TLN1: variants seen among roughly 807,000 people sequenced by gnomAD.
TLN1 encodes the protein talin 1.
TLN1 carries 56 observed loss-of-function variants against 292.3 expected under a neutral mutation model. That is an observed-to-expected ratio of 0.19 (90% CI 0.15 to 0.24). The LOEUF (loss-of-function observed/expected upper bound fraction) is 0.24. Ranked by LOEUF, TLN1 falls within the 10% of genes least tolerant of loss-of-function variation. The probability of loss-of-function intolerance (pLI) is 1.00; values close to 1 mark genes in which losing one functional copy is unlikely to be tolerated. For missense variants in TLN1, 2,433 were observed against 3,248.2 expected (o/e 0.75, Z 6.10); for synonymous variants, 1,119 against 1,253.7 (o/e 0.89, Z 2.27).
chr9:35,698,633 T>C lies in TLN1; in HGVS notation c.7172A>G (p.Gln2391Arg). The C allele has an allele frequency of 1.9e-6, 3 of 1,614,172 alleles. No individual in the cohort carries two copies. The highest frequency in any genetic ancestry group is 2.5e-6 in the Non-Finnish European group (3 of 1,180,036). Residue 2391 changes from glutamine (Q) to arginine (R), a missense_variant, in exon 54 of 57, where the codon CAG becomes CGG. By Grantham distance (43) the Gln-to-Arg change is conservative. Coordinates refer to ENST00000314888, the MANE Select transcript of TLN1 (RefSeq NM_006289.4). The surrounding 1 kb of genome is among the most constrained non-coding windows in gnomAD (Gnocchi z 5.3). ...CACACTTACAGCAGAAATGAGGCCC[T>C]GGGACCACTGCCCATCGTCCAGTGC... ...ANALDDGQWS[Q>R]GLISAARMVA...
At chr9:35,721,339 A>C (rs1331158180) in intron 10 of TLN1, among the ~76,000 whole-genome samples, 2 of 152,222 alleles carry the variant, frequency 1.3e-5, no homozygotes, top group South Asian at 2.1e-4. Flanking sequence ...TAAAGTCAAA[A>C]ATTCACTGTA....
At chr9:35,708,619 G>T in intron 33 of TLN1, 135 bp from the exon 34 acceptor site, 1 of 818,280 alleles carries the variant, frequency 1.2e-6, no homozygotes, top group Non-Finnish European at 1.7e-6. Flanking sequence ...CATGAGTGGA[G>T]ATACATTAGC....
chr9:35,722,874 C>T lies in TLN1; in HGVS notation c.830G>A (p.Arg277His), dbSNP rs757515254. The T allele has an allele frequency of 4.3e-6, 7 of 1,613,926 alleles. No individual in the cohort carries two copies. The highest frequency in any genetic ancestry group is 1.7e-5 in the Admixed American group (1 of 60,024). ...ACCCACATTCACCTGGAAGATCTTA[C>T]GCTCTCCCTTCTGCTTCACATACTC... ...PKEYVKQKGE[R>H]KIFQAHKNCG... is the part of the protein sequence containing the mutation. The change falls in exon 8 of 57, where the codon CGT becomes CAT. Residue 277 changes from arginine to histidine, a missense_variant. By Grantham distance (29) the Arg-to-His change is conservative. Coordinates refer to ENST00000314888, the MANE Select transcript of TLN1 (RefSeq NM_006289.4).
In TLN1 at chr9:35,724,234, C is replaced by T. The variant is rs1825927841; in HGVS notation, c.612G>A (p.Val204=). 3.1e-6 allele frequency: 5 copies of T among 1,614,144 alleles called. No homozygotes were observed. The highest frequency in any genetic ancestry group is 1.3e-5 in the African/African-American group (1 of 75,012). Residue 204 remains valine, a synonymous_variant, in exon 6 of 57, where the codon GTG becomes GTA. Coordinates refer to ENST00000314888, the MANE Select transcript of TLN1 (RefSeq NM_006289.4). This position sits in a 1 kb window ranked among gnomAD's most constrained non-coding sequence, Gnocchi z 4.7. ...TCAGCTGTACAGGGTCCCGGGAATC[C>T]ACATTCTGGTCTGAGTAAAAGAACT... ...RRKFFYSDQN[V]DSRDPVQLNL... is the part of the protein sequence containing the mutation.
In TLN1 at chr9:35,720,092, C is replaced by G; in HGVS notation, c.1411G>C (p.Ala471Pro). Residue 471 changes from alanine (A) to proline (P), a missense_variant, in exon 13 of 57, where the codon GCC becomes CCC. Ala to Pro is a conservative substitution (Grantham distance 27, BLOSUM62 -1). Transcript: ENST00000314888. ...TGGCCGCTGGTAATCTGCTGCTGGG[C>G]AGGGGGCATGCTGCCCACCTGGAAA... is the stretch of plus-strand genomic sequence containing the variant. The part of the protein sequence containing the change: ...ENFQVGSMPP[A>P]QQQITSGQMH... 1.2e-6 allele frequency: 2 copies of G among 1,609,062 alleles called. No individual in the cohort carries two copies. The highest frequency in any genetic ancestry group is 1.7e-6 in the Non-Finnish European group (2 of 1,177,768).
rs767746648 is a variant in TLN1 at position 35,710,692 on chromosome 9, C to G, written c.4204-9G>C. The G allele has an allele frequency of 3.1e-6, 5 of 1,614,092 alleles. No individual in the cohort carries two copies. The highest frequency in any genetic ancestry group is 4.2e-6 in the Non-Finnish European group (5 of 1,179,960). On this transcript the variant is annotated splice_polypyrimidine_tract_variant and intron_variant, in intron 32 of 56. Coordinates refer to ENST00000314888, the MANE Select transcript of TLN1 (RefSeq NM_006289.4). ...ATGGCCTCGCCCAGCACCTGAGGAACAGAGGACATCAGGGGAGTCAGAGCA... is the reference window on the plus strand; with the variant it reads ...ATGGCCTCGCCCAGCACCTGAGGAAGAGAGGACATCAGGGGAGTCAGAGCA...
In TLN1 at chr9:35,710,594, C is replaced by A. The variant is rs757778441; in HGVS notation, c.4293G>T (p.Lys1431Asn). ...EFGDAISTASKALCGFTEAAA... is the reference protein window; with the variant it reads ...EFGDAISTASNALCGFTEAAA... Reference sequence around the variant, plus strand: ...CTGCCTCGGTGAAGCCACAAAGTGCCTTTGAGGCTGTGGAAATGGCATCTC... The same window carrying A: ...CTGCCTCGGTGAAGCCACAAAGTGCATTTGAGGCTGTGGAAATGGCATCTC... Residue 1431 changes from lysine (K) to asparagine (N), a missense_variant, in exon 33 of 57, where the codon AAG (lysine) becomes AAT (asparagine). Coordinates refer to ENST00000314888, the MANE Select transcript of TLN1 (RefSeq NM_006289.4). The A allele has an allele frequency of 3.1e-6, 5 of 1,613,910 alleles. No individual in the cohort carries two copies. In the Admixed American group the frequency reaches 8.3e-5, roughly 27 times the overall value.
At position 35,710,600 on chromosome 9, in the gene TLN1, G is replaced by A; in HGVS notation, c.4287C>T (p.Ala1429=). The change falls in exon 33 of 57, where the codon GCC becomes GCT. Residue 1429 remains alanine, a synonymous_variant. Coordinates refer to ENST00000314888, the MANE Select transcript of TLN1 (RefSeq NM_006289.4). ...LPEFGDAIST[A]SKALCGFTEA... ...CGGTGAAGCCACAAAGTGCCTTTGAGGCTGTGGAAATGGCATCTCCAAACT... is the reference window on the plus strand; with the variant it reads ...CGGTGAAGCCACAAAGTGCCTTTGAAGCTGTGGAAATGGCATCTCCAAACT... 5 of 1,614,066 alleles carry A rather than the reference G, an allele frequency of 3.1e-6. No homozygotes were observed. Among genetic ancestry groups the A allele is most frequent in the Non-Finnish European group, 4.2e-6 (5 of 1,180,048 alleles).
chr9:35,709,886 CAAAAAAAAAAAA>C (rs546437173), intron 33 of TLN1, among the ~76,000 whole-genome samples: 1 of 12,848 alleles, frequency 7.8e-5, no homozygotes, highest in Non-Finnish European at 1.5e-4. Flanking sequence ...AACTCGGTCT[CAAAAAAAAAAAA>C]AAAAAAAAAA....
In TLN1 at chr9:35,717,454, G is replaced by C; in HGVS notation, c.2164-14C>G. On this transcript the variant is annotated splice_polypyrimidine_tract_variant and intron_variant, in intron 18 of 56. Coordinates refer to ENST00000314888, the MANE Select transcript of TLN1 (RefSeq NM_006289.4). This position sits in a 1 kb window ranked among gnomAD's most constrained non-coding sequence, Gnocchi z 4.7. ...AGGTGCCACCACCTGTAGGTAAAGT[G>C]AATGTCAGAGACGTAGGCAAGGGAA... 4 of 1,607,176 alleles carry C rather than the reference G, an allele frequency of 2.5e-6. No homozygotes were observed. In the South Asian group the frequency reaches 4.4e-5, roughly 18 times the overall value.
intron 10 of TLN1, 111 bp downstream of exon 10, chr9:35,721,537 T>A (rs896897741): frequency 1.6e-6 from 2 of 1,248,854 alleles, no homozygotes; most frequent in Admixed American, 2.7e-5. Flanking sequence ...AACCTCCTTT[T>A]TTTCTGGAGT....
chr9:35,710,489 G>C (rs1221969764), intron 33 of TLN1, 72 bp downstream of exon 33: 1 of 1,560,880 alleles, frequency 6.4e-7, no homozygotes, highest in Admixed American at 1.8e-5. Flanking sequence ...TTATCTACAG[G>C]TATGTCAGGC....
chr9:35,725,942 T>C (rs1417456260), intron 1 of TLN1, among the ~76,000 whole-genome samples: 3 of 152,174 alleles, frequency 2.0e-5, no homozygotes, highest in Non-Finnish European at 2.9e-5. Flanking sequence ...AGACAGAGTT[T>C]CGTTCTGTTG....
Position 35,717,024 on chromosome 9 carries a change from G to C in TLN1, c.2458+122C>G, listed in dbSNP as rs1043528641. The C allele has an allele frequency of 2.6e-5, 29 of 1,123,734 alleles. No homozygotes were observed. The highest frequency in any genetic ancestry group is 3.5e-5 in the Non-Finnish European group (28 of 799,244). The allele number at this position is 1,123,734 out of a possible 1,614,324, so 69.6% of individuals were successfully genotyped here. A position where few individuals can be genotyped will look rare whatever the true frequency, so the allele number is the denominator to read the frequency against. On this transcript the variant is annotated intron_variant, in intron 19 of 56. Coordinates refer to ENST00000314888, the MANE Select transcript of TLN1 (RefSeq NM_006289.4). The surrounding 1 kb of genome is among the most constrained non-coding windows in gnomAD (Gnocchi z 4.7). ...ATGATGAGCCTATGGTTGTGTGGCT[G>C]GCAAGCCCACACTGTGCTGAGTTCC...
chr9:35,729,061 G>C (rs755882020), intron 1 of TLN1, among the ~76,000 whole-genome samples: 1 of 6,198 alleles, frequency 1.6e-4, no homozygotes, highest in Non-Finnish European at 3.3e-4. Context: ...ATAGTGATCT[G>C]CCATTTATTG....
At chr9:35,727,352 G>T (rs1825996234) in intron 1 of TLN1, among the ~76,000 whole-genome samples, 1 of 152,184 alleles carries the variant, frequency 6.6e-6, no homozygotes, top group Non-Finnish European at 1.5e-5. Flanking sequence ...AAGAAGTTAG[G>T]AGAGATGGGA....
Position 35,697,686 on chromosome 9 carries a change from G to A in TLN1, c.*105C>T. 3.3e-6 allele frequency: 5 copies of A among 1,504,270 alleles called. No individual in the cohort carries two copies. The highest frequency in any genetic ancestry group is 3.6e-6 in the Non-Finnish European group (4 of 1,116,416). 93.2% of individuals were successfully genotyped at this position (1,504,270 alleles called of 1,614,324 possible). On this transcript the variant is annotated 3_prime_UTR_variant, in exon 57 of 57. Transcript: ENST00000314888. ...GGCCCTGGGGTTTGGCAGGCACTTTGGGGAGTGCTGGGGTTGGGCAGGTTG... is the reference window on the plus strand; with the variant it reads ...GGCCCTGGGGTTTGGCAGGCACTTTAGGGAGTGCTGGGGTTGGGCAGGTTG...
At chr9:35,726,849 C>G (rs1385431376) in intron 1 of TLN1, among the ~76,000 whole-genome samples, 1 of 152,200 alleles carries the variant, frequency 6.6e-6, no homozygotes, top group Non-Finnish European at 1.5e-5. Flanking sequence ...CAAGACAGGC[C>G]AGAGAAAGGA....
chr9:35,709,752 T>C (rs962890210), intron 33 of TLN1, among the ~76,000 whole-genome samples: 1 of 149,422 alleles, frequency 6.7e-6, no homozygotes, highest in Non-Finnish European at 1.5e-5. Flanking sequence ...CCGGGCATGG[T>C]GGCGCGCGCC....
Sources: allele counts gnomAD v4.1 joint callset (sites outside exome capture counted in the v4.1 genomes callset), GRCh38; gene constraint gnomAD v4.1.1; non-coding constraint Gnocchi (gnomAD v3.1); transcripts MANE v1.5; gene names NCBI Gene and HGNC (gene_info 2026-07-23, HGNC 2026-07-21).